ARHGAP42: variants seen among roughly 807,000 people sequenced by gnomAD.
ARHGAP42 encodes rho GTPase-activating protein 42.
ARHGAP42 carries 63 observed loss-of-function variants against 125.0 expected under a neutral mutation model. That is an observed-to-expected ratio of 0.50 (90% CI 0.41 to 0.62). The LOEUF is 0.62. Ranked by LOEUF, ARHGAP42 falls within the 20% of genes least tolerant of loss-of-function variation. ARHGAP42 has a pLI of 0.00. For missense variants in ARHGAP42, 766 were observed against 1,024.2 expected (o/e 0.75, Z 3.44); for synonymous variants, 339 against 351.0 (o/e 0.97, Z 0.38).
intron 4 of ARHGAP42, among the ~76,000 whole-genome samples, chr11:100,879,863 A>C (rs74830085): frequency 0.02 from 3,033 of 152,292 alleles, 96 homozygotes; most frequent in African/African-American, 0.07. Flanking sequence ...GAGTAAAGTT[A>C]AAAATGAAAA....
intron 2 of ARHGAP42, 83 bp downstream of exon 2, chr11:100,770,521 T>C (rs956311650): frequency 1.0e-6 from 1 of 992,686 alleles, no homozygotes; most frequent in African/African-American, 1.7e-5. Context: ...ATAATAAACA[T>C]GTAAAATATT....
intron 2 of ARHGAP42, among the ~76,000 whole-genome samples, chr11:100,777,321 T>TA (rs959082894): frequency 1.3e-5 from 2 of 152,214 alleles, no homozygotes; most frequent in Non-Finnish European, 2.9e-5. Flanking sequence ...ATCAGTGGGT[T>TA]ACTGTGGTGA....
At position 100,988,639 on chromosome 11, in the gene ARHGAP42, G is replaced by T. The variant is rs1858750850; in HGVS notation, c.2537-74G>T. Reference sequence around the variant, plus strand: ...TGAGGACTGACAATCCGATGTGGGTGTTTAACCCATCTGTTTATATAATTA... The same window carrying T: ...TGAGGACTGACAATCCGATGTGGGTTTTTAACCCATCTGTTTATATAATTA... On this transcript the variant is annotated intron_variant, in intron 23 of 23. Transcript: ENST00000298815. 4.0e-5 allele frequency: 51 copies of T among 1,270,770 alleles called. No homozygotes were observed. The South Asian group carries it at 6.6e-4, about 16-fold the overall frequency. 78.7% of individuals were successfully genotyped at this position (1,270,770 alleles called of 1,614,324 possible).
At chr11:100,955,893 C>A (rs1857792277) in intron 12 of ARHGAP42, among the ~76,000 whole-genome samples, 1 of 152,072 alleles carries the variant, frequency 6.6e-6, no homozygotes. Flanking sequence ...AGTATAGTAA[C>A]CCCTACTTGG....
chr11:100,856,139 C>G (rs573482924), intron 3 of ARHGAP42, among the ~76,000 whole-genome samples: 3 of 152,040 alleles, frequency 2.0e-5, no homozygotes, highest in Non-Finnish European at 2.9e-5. Flanking sequence ...TTCATCAAGC[C>G]TGTTTTGTGA....
At chr11:100,802,404 C>T (rs1462257967) in intron 3 of ARHGAP42, among the ~76,000 whole-genome samples, 2 of 150,582 alleles carry the variant, frequency 1.3e-5, no homozygotes, top group African/African-American at 2.4e-5. Flanking sequence ...ACTTCATCCA[C>T]CTCCATTTCT....
chr11:100,973,086 AT>A, intron 17 of ARHGAP42, 88 bp from the exon 18 acceptor site: 1 of 1,226,684 alleles, frequency 8.2e-7, no homozygotes, highest in Non-Finnish European at 1.1e-6. Flanking sequence ...CATATTTTAC[AT>A]TTTTTGCACC....
At chr11:100,711,704 C>A (rs12295008) in intron 1 of ARHGAP42, among the ~76,000 whole-genome samples, 38,804 of 152,060 alleles carry the variant, frequency 0.26, 5,199 homozygotes, top group African/African-American at 0.29. Context: ...TATCCACAAC[C>A]AAATGGTTAT....
intron 1 of ARHGAP42, among the ~76,000 whole-genome samples, chr11:100,760,465 A>C (rs1251382846): frequency 1.3e-5 from 2 of 152,106 alleles, no homozygotes; most frequent in Non-Finnish European, 2.9e-5. Flanking sequence ...TTGGGAGGCC[A>C]AGGTGGGAGG....
In ARHGAP42 at chr11:100,768,780, A is replaced by AG. The variant is rs200812785; in HGVS notation, c.155-1562dup. On this transcript the variant is annotated intron_variant, in intron 1 of 23. Coordinates refer to ENST00000298815, the MANE Select transcript of ARHGAP42 (RefSeq NM_152432.4). ...TATTAGACTTAAATAGGGTTTATTA[A>AG]GTGCCAGGCACAGTTCTAAACCCTT... is the stretch of plus-strand genomic sequence containing the variant. 7.2e-3 allele frequency among the ~76,000 whole-genome samples: 1,091 copies of AG among 152,324 alleles called. 7 individuals are homozygous for AG. Among genetic ancestry groups the AG allele is most frequent in the South Asian group, 0.012 (59 of 4,828 alleles).
rs563567819 is a variant in ARHGAP42, at chr11:100,905,625, T to C, written c.385-7827T>C. Among the ~76,000 whole-genome samples the C allele has an allele frequency of 3.3e-5, 5 of 152,324 alleles. No individual in the cohort carries two copies. In the East Asian group the frequency reaches 5.8e-4, roughly 18 times the overall value. On this transcript the variant is annotated intron_variant, in intron 4 of 23. Coordinates refer to ENST00000298815, the MANE Select transcript of ARHGAP42 (RefSeq NM_152432.4). ...TTTTTTGTTTCTTGGCATCAGTAAT[T>C]GCCTTACTTTCAAATTTTGCTTAAT... is the stretch of plus-strand genomic sequence containing the variant.
At chr11:100,909,536 G>T (rs1303390309) in intron 4 of ARHGAP42, among the ~76,000 whole-genome samples, 3 of 151,912 alleles carry the variant, frequency 2.0e-5, no homozygotes, top group Admixed American at 2.0e-4. Context: ...TAAAGGCAGG[G>T]TTTCATCATG....
intron 1 of ARHGAP42, among the ~76,000 whole-genome samples, chr11:100,757,717 T>C (rs1862608676): frequency 6.6e-6 from 1 of 152,114 alleles, no homozygotes; most frequent in Non-Finnish European, 1.5e-5. Context: ...AAAAATGAAG[T>C]CTGTAAACAT....
At chr11:100,936,354 T>G in intron 8 of ARHGAP42, 22 bp downstream of exon 8, 1 of 1,551,304 alleles carries the variant, frequency 6.4e-7, no homozygotes, top group Non-Finnish European at 8.7e-7. Flanking sequence ...AGACATAATT[T>G]CACGTCTCTT....
intron 4 of ARHGAP42, among the ~76,000 whole-genome samples, chr11:100,876,876 T>A (rs7128526): frequency 0.079 from 12,037 of 152,282 alleles, 567 homozygotes; most frequent in Non-Finnish European, 0.12. Context: ...AGTAATAATC[T>A]GAAGCCAAAT....
chr11:100,901,569 C>T (rs1387320107), intron 4 of ARHGAP42, among the ~76,000 whole-genome samples: 2 of 152,180 alleles, frequency 1.3e-5, no homozygotes, highest in African/African-American at 4.8e-5. Flanking sequence ...TGGGCTCTGC[C>T]CTGTTCGAGC....
chr11:100,980,651 G>A (rs1591338404), intron 22 of ARHGAP42, among the ~76,000 whole-genome samples: 1 of 134,846 alleles, frequency 7.4e-6, no homozygotes, highest in Non-Finnish European at 1.5e-5. Flanking sequence ...GCTCACTGCA[G>A]CCTCTGCCTC....
At chr11:100,945,149 T>C (rs74817865) in intron 10 of ARHGAP42, among the ~76,000 whole-genome samples, 1 of 152,084 alleles carries the variant, frequency 6.6e-6, no homozygotes, top group Non-Finnish European at 1.5e-5. Flanking sequence ...TAAACCACTT[T>C]CTTTGCCCAT....
At chr11:100,883,059 T>G (rs1454971295) in intron 4 of ARHGAP42, among the ~76,000 whole-genome samples, 1 of 152,222 alleles carries the variant, frequency 6.6e-6, no homozygotes, top group Non-Finnish European at 1.5e-5. Context: ...TTGGTTTCAT[T>G]TATCTTTTGT....
Sources: gnomAD v4.1 joint callset for allele counts (sites outside exome capture counted in the v4.1 genomes callset) on GRCh38, gnomAD v4.1.1 for gene constraint, MANE v1.5 for transcripts, NCBI Gene and HGNC (gene_info 2026-07-23, HGNC 2026-07-21) for gene names.